The following ASPM variants were observed in gnomAD, a reference collection of about 807,000 sequenced individuals.
ASPM encodes assembly factor for spindle microtubules.
Under a neutral mutation model 366.4 loss-of-function variants are expected in ASPM, and 256 were observed. The observed-to-expected ratio is 0.70, with a 90% CI of 0.63 to 0.77. The LOEUF (loss-of-function observed/expected upper bound fraction) is 0.77, where lower values mean the gene tolerates loss of function less well. Among genes scored for constraint, ASPM ranks in the 30% least tolerant of loss-of-function variants. ASPM has a pLI of 0.00. For synonymous variants in ASPM, 1,414 were observed against 1,342.9 expected (o/e 1.05, Z -1.16); for missense variants, 4,146 against 4,090.4 (o/e 1.01, Z -0.37).
At position 197,104,764 on chromosome 1, in the gene ASPM, T is replaced by C. The variant is rs768474639; in HGVS notation, c.4487A>G (p.Lys1496Arg). 9 of 1,598,988 alleles carry C rather than the reference T, an allele frequency of 5.6e-6. No individual in the cohort carries two copies. The highest frequency in any genetic ancestry group is 2.3e-5 in the South Asian group (2 of 87,550). The change falls in exon 18 of 28, where the codon AAA becomes AGA. Residue 1496 changes from lysine to arginine, a missense_variant. Coordinates refer to ENST00000367409, the MANE Select transcript of ASPM (RefSeq NM_018136.5). The part of the protein sequence containing the change: ...YIRSCVVIIQ[K>R]RFRCFQAQKL... ...TTGGGCTTGAAAGCACCGAAATCTTTTCTGAATGATAACAACACAAGATCT... is the reference window on the plus strand; with the variant it reads ...TTGGGCTTGAAAGCACCGAAATCTTCTCTGAATGATAACAACACAAGATCT...
Position 197,104,706 on chromosome 1 carries a change from T to TA in ASPM, c.4544dup (p.Thr1516AsnfsTer15). ...ATGCTTTGTAGTACTTCTGGATGGT[T>TA]AGTATGGACTCTTTTCTTCTTTTAT... is the stretch of plus-strand genomic sequence containing the variant. On this transcript the variant is annotated frameshift_variant, in exon 18 of 28. Transcript: ENST00000367409. LOFTEE classifies it high-confidence loss of function. 8 of 1,612,486 alleles carry TA rather than the reference T, an allele frequency of 5.0e-6. No individual in the cohort carries two copies. The highest frequency in any genetic ancestry group is 5.9e-6 in the Non-Finnish European group (7 of 1,179,238).
chr1:197,102,446 TGA>T lies in ASPM; in HGVS notation c.6803_6804del (p.Leu2268HisfsTer6). 6.2e-7 allele frequency: 1 copy of T among 1,612,690 alleles called. No homozygotes were observed. The highest frequency in any genetic ancestry group is 1.1e-5 in the South Asian group (1 of 91,054). On this transcript the variant is annotated frameshift_variant, in exon 18 of 28. Coordinates refer to ENST00000367409, the MANE Select transcript of ASPM (RefSeq NM_018136.5). LOFTEE classifies it high-confidence loss of function. The part of the protein sequence containing the change: ...HLKMMHIAAT[L>X]IQRRFRTLMM... ...ATTAGAGTTCTAAATCTCCTCTGAA[TGA>T]GAGTTGCGGCTATATGCATCATTTT...
At chr1:197,112,562 G>A (rs2125100163) in intron 17 of ASPM, among the ~76,000 whole-genome samples, 1 of 152,216 alleles carries the variant, frequency 6.6e-6, no homozygotes, top group South Asian at 2.1e-4. Flanking sequence ...GGGCAAACCT[G>A]TCTCCCATTC....
At position 197,122,041 on chromosome 1, in the gene ASPM, C is replaced by A. The variant is rs1657925941; in HGVS notation, c.3744G>T (p.Val1248=). The change falls in exon 16 of 28, where the codon GTG becomes GTT. Residue 1248 remains valine (V), a splice_region_variant and synonymous_variant. Transcript: ENST00000367409. Reference sequence around the variant, plus strand: ...AAAGAAATGACAAATAGGTAATAACCACCTAAAAAAAACCCACAAAAGATA... The same window carrying A: ...AAAGAAATGACAAATAGGTAATAACAACCTAAAAAAAACCCACAAAAGATA... ...DMSNTIPDEK[V]VITYLSFLCA... is the part of the protein sequence containing the mutation. 1.2e-6 allele frequency: 2 copies of A among 1,611,322 alleles called. No individual in the cohort carries two copies. The highest frequency in any genetic ancestry group is 1.3e-5 in the African/African-American group (1 of 74,708).
rs772490403 is a variant in ASPM, at chr1:197,101,191, T to C, written c.8060A>G (p.Asn2687Ser). ...RGFKVRKDIQNMHRAATLIQS... is the reference protein window; with the variant it reads ...RGFKVRKDIQSMHRAATLIQS... ...AATTAGTGTGGCAGCCCGGTGCATA[T>C]TTTGAATATCCTTTCGTACTTTAAA... Residue 2687 changes from asparagine to serine, a missense_variant, in exon 18 of 28, where the codon AAT (asparagine) becomes AGT (serine). Physicochemically the swap from Asn to Ser is conservative, Grantham distance 46. Coordinates refer to ENST00000367409, the MANE Select transcript of ASPM (RefSeq NM_018136.5). 1 of 1,612,390 alleles carries C rather than the reference T, an allele frequency of 6.2e-7. No individual in the cohort carries two copies. Among genetic ancestry groups the C allele is most frequent in the Admixed American group, 1.7e-5 (1 of 59,734 alleles).
chr1:197,092,259 C>T (rs190282700), intron 21 of ASPM, among the ~76,000 whole-genome samples: 115 of 151,828 alleles, frequency 7.6e-4, no homozygotes, highest in African/African-American at 2.7e-3. Context: ...ACTCATAACT[C>T]AGAGTGTAGA....
At chr1:197,099,632 A>G (rs1214158139) in intron 18 of ASPM, among the ~76,000 whole-genome samples, 1 of 151,708 alleles carries the variant, frequency 6.6e-6, no homozygotes, top group Non-Finnish European at 1.5e-5. Context: ...GAGGACAGCA[A>G]CTAAGTATAT....
Position 197,142,312 on chromosome 1 carries a change from T to C in ASPM, c.1921+19A>G, listed in dbSNP as rs763125321. On this transcript the variant is annotated intron_variant, in intron 3 of 27. Coordinates refer to ENST00000367409, the MANE Select transcript of ASPM (RefSeq NM_018136.5). ...CCCTTTACAGGTATACTTCAGTAGA[T>C]TTTATAAACAAGACTCACCAGTTTT... The C allele has an allele frequency of 3.1e-6, 5 of 1,611,400 alleles. No homozygotes were observed. Among genetic ancestry groups the C allele is most frequent in the South Asian group, 1.1e-5 (1 of 90,696 alleles).
intron 18 of ASPM, among the ~76,000 whole-genome samples, chr1:197,097,178 CTG>C (rs1349828944): frequency 2.6e-5 from 4 of 151,748 alleles, no homozygotes; most frequent in African/African-American, 9.7e-5. Flanking sequence ...ATTGTGAAGA[CTG>C]TTTCTCTAGC....
chr1:197,144,217 A>G, intron 1 of ASPM, 117 bp from the exon 2 acceptor site: 1 of 687,598 alleles, frequency 1.5e-6, no homozygotes. Flanking sequence ...CACTCTATAT[A>G]CTAAACATTT....
Position 197,104,458 on chromosome 1 carries a change from T to C in ASPM, c.4793A>G (p.Gln1598Arg), listed in dbSNP as rs374469593. 8 of 1,612,938 alleles carry C rather than the reference T, an allele frequency of 5.0e-6. No individual in the cohort carries two copies. Among genetic ancestry groups the C allele is most frequent in the Non-Finnish European group, 6.8e-6 (8 of 1,179,400 alleles). The change falls in exon 18 of 28, where the codon CAA becomes CGA. Residue 1598 changes from glutamine to arginine, a missense_variant. Gln to Arg is a conservative substitution (Grantham distance 43). Transcript: ENST00000367409. ...KFQAHVRKHQ[Q>R]RQKYKKMKKA... ...CTTCATCTTCTTATATTTCTGTCGT[T>C]GTTGATGTTTTCTTACATGTGCCTG...
At position 197,143,989 on chromosome 1, in the gene ASPM, G is replaced by C. The variant is rs1233254706; in HGVS notation, c.409C>G (p.Leu137Val). Reference sequence around the variant, plus strand: ...TTTTTCTGCTCTTCTGCATTTCCTAGTAATATAGCTTGGTGTTTCAGAACA... The same window carrying C: ...TTTTTCTGCTCTTCTGCATTTCCTACTAATATAGCTTGGTGTTTCAGAACA... ...NDVLKHQAILLGNAEEQKKKK... is the reference protein window; with the variant it reads ...NDVLKHQAILVGNAEEQKKKK... Residue 137 changes from leucine to valine, a missense_variant, in exon 2 of 28, where the codon CTA becomes GTA. By Grantham distance (32) the Leu-to-Val change is conservative. Transcript: ENST00000367409. The C allele has an allele frequency of 3.1e-6, 5 of 1,608,850 alleles. No individual in the cohort carries two copies. Among genetic ancestry groups the C allele is most frequent in the Non-Finnish European group, 4.3e-6 (5 of 1,175,620 alleles).
intron 4 of ASPM, among the ~76,000 whole-genome samples, chr1:197,135,448 G>A (rs1478169892): frequency 6.6e-6 from 1 of 151,992 alleles, no homozygotes; most frequent in African/African-American, 2.4e-5. Context: ...ATATTTCCTG[G>A]TTATTTAACA....
At chr1:197,112,240 T>G (rs534759075) in intron 17 of ASPM, among the ~76,000 whole-genome samples, 1 of 152,146 alleles carries the variant, frequency 6.6e-6, no homozygotes, top group Non-Finnish European at 1.5e-5. Flanking sequence ...CCATTATCCT[T>G]AGCAAACTAA....
intron 4 of ASPM, chr1:197,138,843 T>C: frequency 1.2e-6 from 1 of 841,920 alleles, no homozygotes; most frequent in Non-Finnish European, 2.0e-6. Flanking sequence ...ATCTATTATT[T>C]CTCCTTCCAG....
chr1:197,121,971 G>C lies in ASPM; in HGVS notation c.3814C>G (p.Leu1272Val), dbSNP rs368182169. The C allele has an allele frequency of 5.0e-6, 8 of 1,611,286 alleles. No individual in the cohort carries two copies. In the African/African-American group the frequency reaches 1.1e-4, roughly 22 times the overall value. Residue 1272 changes from leucine (L) to valine (V), a missense_variant, in exon 16 of 28, where the codon CTC becomes GTC. Physicochemically the swap from Leu to Val is conservative, Grantham distance 32. Around this residue, in one of 3 missense-constraint regions of ASPM, gnomAD observed 3,624 missense variants for 3,591.7 expected, o/e 1.01. Coordinates refer to ENST00000367409, the MANE Select transcript of ASPM (RefSeq NM_018136.5). ...TATTTTCTCCATGTTGTTTGTATGA[G>C]TCGAGCAGCTCTTATTTCTTTACGA... is the stretch of plus-strand genomic sequence containing the variant. ...DLRKEIRAARLIQTTWRKYKL... is the reference protein window; with the variant it reads ...DLRKEIRAARVIQTTWRKYKL...
In ASPM at chr1:197,124,147, T is replaced by C; in HGVS notation, c.3353A>G (p.Asp1118Gly). 2 of 1,612,692 alleles carry C rather than the reference T, an allele frequency of 1.2e-6. No homozygotes were observed. Among genetic ancestry groups the C allele is most frequent in the Non-Finnish European group, 1.7e-6 (2 of 1,179,246 alleles). Residue 1118 changes from aspartate to glycine, a missense_variant, in exon 13 of 28, where the codon GAT becomes GGT. This residue lies in a region of ASPM where 3,624 missense variants were observed against 3,591.7 expected (regional missense o/e 1.01). Transcript: ENST00000367409. Reference sequence around the variant, plus strand: ...GAAGGCACAAACAGCATTTACCCAATCCATCAATAACTTTATGTTTTCACT... The same window carrying C: ...GAAGGCACAAACAGCATTTACCCAACCCATCAATAACTTTATGTTTTCACT... Reference protein sequence around the residue: ...QYSENIKLLMDWVNAVCAFYN... With the variant: ...QYSENIKLLMGWVNAVCAFYN...
Position 197,103,296 on chromosome 1 carries a change from C to T in ASPM, c.5955G>A (p.Val1985=), listed in dbSNP as rs368945640. 1.4e-5 allele frequency: 23 copies of T among 1,612,982 alleles called. No homozygotes were observed. Among genetic ancestry groups the T allele is most frequent in the Non-Finnish European group, 1.9e-5 (22 of 1,179,450 alleles). Residue 1985 remains valine, a synonymous_variant, in exon 18 of 28, where the codon GTG becomes GTA. Coordinates refer to ENST00000367409, the MANE Select transcript of ASPM (RefSeq NM_018136.5). ...TCATGATTTTCCACTTCTTTTGTTG[C>T]ACATGCATTCTATAGTATGACTGTA... ...IIIQSYYRMH[V]QQKKWKIMKK...
At position 197,090,959 on chromosome 1, in the gene ASPM, T is replaced by A. The variant is rs1656764267; in HGVS notation, c.9527A>T (p.Glu3176Val). 2.5e-6 allele frequency: 4 copies of A among 1,612,964 alleles called. No individual in the cohort carries two copies. The African/African-American group carries it at 4.0e-5, about 16-fold the overall frequency. ...AGCCCTATTTCGCTGGCTCAGACAT[T>A]CTTGACCTTCATGCTCAATCTTTTT... is the stretch of plus-strand genomic sequence containing the variant. Reference protein sequence around the residue: ...SIKKIEHEGQECLSQRNRAAS... With the variant: ...SIKKIEHEGQVCLSQRNRAAS... Residue 3176 changes from glutamate to valine, a missense_variant, in exon 23 of 28, where the codon GAA becomes GTA. By Grantham distance (121) the Glu-to-Val change is moderately radical (BLOSUM62 -2). Transcript: ENST00000367409.
Sources: allele counts gnomAD v4.1 joint callset (sites outside exome capture counted in the v4.1 genomes callset), GRCh38; gene constraint gnomAD v4.1.1; regional missense constraint gnomAD v4.1.1; transcripts MANE v1.5; gene names NCBI Gene and HGNC (gene_info 2026-07-23, HGNC 2026-07-21).